Variants in ASTN2 observed in about 807,000 individuals in gnomAD.
The protein encoded by ASTN2 is astrotactin-2.
A neutral mutation model predicts 139.8 loss-of-function variants in ASTN2; 54 were observed. The ratio of observed to expected loss-of-function variants is 0.39; its 90% CI spans 0.31 to 0.48. The LOEUF is 0.48. Among genes scored for constraint, ASTN2 ranks in the 20% least tolerant of loss-of-function variants. The probability of loss-of-function intolerance (pLI) is 0.95; values close to 1 mark genes in which losing one functional copy is unlikely to be tolerated. For missense variants in ASTN2, 1,565 were observed against 1,725.1 expected, an observed-to-expected ratio of 0.91 and a Z score of 1.64; for synonymous variants, 756 against 719.5, an observed-to-expected ratio of 1.05 and a Z score of -0.81.
intron 20 of ASTN2, among the ~76,000 whole-genome samples, chr9:116,442,779 C>T (rs530532023): frequency 3.3e-5 from 5 of 152,320 alleles, no homozygotes; most frequent in East Asian, 1.9e-4. Flanking sequence ...AATGAGGACA[C>T]TGAGACTTAG....
Position 116,728,514 on chromosome 9 carries a change from G to C in ASTN2, c.2626+478C>G, listed in dbSNP as rs534100674. 4.6e-5 allele frequency among the ~76,000 whole-genome samples: 7 copies of C among 152,148 alleles called. No individual in the cohort carries two copies. The South Asian group carries it at 1.5e-3, about 32-fold the overall frequency. The stretch of plus-strand genomic sequence containing the variant: ...TTAAAGTTCATGTGGATATAATGTG[G>C]GTGGTGCATGTAAAGGGATGGGGGT... On this transcript the variant is annotated intron_variant, in intron 15 of 22. Transcript: ENST00000313400.
At chr9:117,403,798 G>C (rs919089779) in intron 1 of ASTN2, among the ~76,000 whole-genome samples, 3 of 152,196 alleles carry the variant, frequency 2.0e-5, no homozygotes, top group Admixed American at 6.5e-5. Flanking sequence ...GTCTCTAAGA[G>C]CTCTTCTGTC....
intron 22 of ASTN2, 122 bp from the exon 23 acceptor site, chr9:116,426,210 T>TC: frequency 1.6e-6 from 2 of 1,267,236 alleles, no homozygotes; most frequent in South Asian, 1.4e-5. Context: ...CTACTCCAGA[T>TC]TGGAGTGTGG....
At position 116,725,746 on chromosome 9, in the gene ASTN2, C is replaced by T. The variant is rs773307463; in HGVS notation, c.2806+25G>A. ...GCCTCTATAGCCTGCCTGGCCACCTCCTACAGTAGGCACTCCGGGCTTACC... is the reference window on the plus strand; with the variant it reads ...GCCTCTATAGCCTGCCTGGCCACCTTCTACAGTAGGCACTCCGGGCTTACC... On this transcript the variant is annotated intron_variant, in intron 16 of 22. Transcript: ENST00000313400. 7.5e-6 allele frequency: 12 copies of T among 1,606,886 alleles called. No homozygotes were observed. The South Asian group carries it at 1.2e-4, about 16-fold the overall frequency.
At chr9:117,349,001 T>C (rs1829308741) in intron 1 of ASTN2, among the ~76,000 whole-genome samples, 1 of 151,880 alleles carries the variant, frequency 6.6e-6, no homozygotes, top group East Asian at 1.9e-4. Flanking sequence ...AACAATTGAG[T>C]TGTCTTTTTA....
chr9:116,891,816 GC>G (rs1554757352), intron 10 of ASTN2, among the ~76,000 whole-genome samples: 1 of 152,206 alleles, frequency 6.6e-6, no homozygotes, highest in Non-Finnish European at 1.5e-5. Context: ...GAGCTAGACT[GC>G]AAAATAGGAA....
Position 117,208,184 on chromosome 9 carries a change from C to CA in ASTN2, c.1015+6173dup, listed in dbSNP as rs1159950005. Among the ~76,000 whole-genome samples the CA allele has an allele frequency of 2.0e-5, 3 of 151,276 alleles. No individual in the cohort carries two copies. In the East Asian group the frequency reaches 5.8e-4, roughly 29 times the overall value. On this transcript the variant is annotated intron_variant, in intron 3 of 22. Coordinates refer to ENST00000313400, the MANE Select transcript of ASTN2 (RefSeq NM_001365068.1). The stretch of plus-strand genomic sequence containing the variant: ...GATCATAATAAAATACATGAACTGC[C>CA]AAAAAAATTAAATAATAATTTTAAA...
intron 16 of ASTN2, among the ~76,000 whole-genome samples, chr9:116,723,579 C>G (rs748392476): frequency 2.6e-5 from 4 of 152,192 alleles, no homozygotes; most frequent in Admixed American, 6.5e-5. Context: ...TGACACATAA[C>G]TCATGGCCGG....
chr9:116,955,174 G>C (rs1480743917), intron 10 of ASTN2, among the ~76,000 whole-genome samples: 1 of 152,194 alleles, frequency 6.6e-6, no homozygotes, highest in African/African-American at 2.4e-5. Flanking sequence ...ACAAACCACA[G>C]CTTCTTCCTT....
chr9:117,056,286 T>C (rs561305822), intron 5 of ASTN2, among the ~76,000 whole-genome samples: 4 of 152,336 alleles, frequency 2.6e-5, no homozygotes, highest in South Asian at 2.1e-4. Flanking sequence ...AGATAACTAC[T>C]ACCAGTACCT....
chr9:116,660,016 G>A (rs1287638823), intron 16 of ASTN2, among the ~76,000 whole-genome samples: 1 of 152,180 alleles, frequency 6.6e-6, no homozygotes, highest in African/African-American at 2.4e-5. Flanking sequence ...TAGTTGGGGT[G>A]TGGGGTCATA....
chr9:116,929,703 A>G (rs2132448997), intron 10 of ASTN2, among the ~76,000 whole-genome samples: 1 of 152,302 alleles, frequency 6.6e-6, no homozygotes, highest in Non-Finnish European at 1.5e-5. Context: ...CAGCTGCTAA[A>G]AATGGTTATT....
intron 17 of ASTN2, among the ~76,000 whole-genome samples, chr9:116,644,651 G>T (rs1327672661): frequency 6.6e-6 from 1 of 152,176 alleles, no homozygotes; most frequent in Non-Finnish European, 1.5e-5. Flanking sequence ...AAATAAACAG[G>T]ATAAGATTTT....
chr9:117,407,048 G>A (rs186122080), intron 1 of ASTN2, among the ~76,000 whole-genome samples: 395 of 152,274 alleles, frequency 2.6e-3, no homozygotes, highest in Admixed American at 4.6e-3. Context: ...TTTATTGATA[G>A]TGGGCACCAA....
At chr9:116,468,045 C>T (rs1301432726) in intron 20 of ASTN2, among the ~76,000 whole-genome samples, 1 of 152,202 alleles carries the variant, frequency 6.6e-6, no homozygotes, top group East Asian at 1.9e-4. Context: ...AAAGGACTAG[C>T]TTCTCATTCC....
chr9:116,595,459 T>C (rs1854525784), intron 19 of ASTN2, among the ~76,000 whole-genome samples: 1 of 152,156 alleles, frequency 6.6e-6, no homozygotes, highest in African/African-American at 2.4e-5. Flanking sequence ...CCTGAATAGC[T>C]GGGACTACAG....
In ASTN2 at chr9:116,698,556, G is replaced by A. The variant is rs1189524532; in HGVS notation, c.2806+27215C>T. 1 of 1,613,920 alleles carries A rather than the reference G, an allele frequency of 6.2e-7. No homozygotes were observed. Among genetic ancestry groups the A allele is most frequent in the South Asian group, 1.1e-5 (1 of 91,060 alleles). ...AGAGCTCACTGCCAGCTTGCCTCGG[G>A]AGCTCACCCTGCAAGATGTGGAGCT... On this transcript the variant is annotated intron_variant, in intron 16 of 22. Coordinates refer to ENST00000313400, the MANE Select transcript of ASTN2 (RefSeq NM_001365068.1). The surrounding 1 kb of genome is among the most constrained non-coding windows in gnomAD (Gnocchi z 4.4).
chr9:117,133,771 C>A (rs1328264338), intron 4 of ASTN2, among the ~76,000 whole-genome samples: 1 of 152,062 alleles, frequency 6.6e-6, no homozygotes, highest in Non-Finnish European at 1.5e-5. Flanking sequence ...TTTGAAAATT[C>A]TTCACAGAGA....
rs568253450 is a variant in ASTN2 at position 116,500,332 on chromosome 9, G to A, written c.3356-12832C>T. On this transcript the variant is annotated intron_variant, in intron 19 of 22. Coordinates refer to ENST00000313400, the MANE Select transcript of ASTN2 (RefSeq NM_001365068.1). Reference sequence around the variant, plus strand: ...CAATGGAAGTGAAAATTTCCATTTAGGGGAAGGTGAATCTCCGGAAAGGAA... The same window carrying A: ...CAATGGAAGTGAAAATTTCCATTTAAGGGAAGGTGAATCTCCGGAAAGGAA... Among the ~76,000 whole-genome samples, 158 of 152,304 alleles carry A rather than the reference G, an allele frequency of 1.0e-3. 2 individuals are homozygous for A. Among genetic ancestry groups the A allele is most frequent in the Non-Finnish European group, 1.6e-3 (106 of 68,024 alleles).
Sources: allele counts gnomAD v4.1 joint callset (sites outside exome capture counted in the v4.1 genomes callset), GRCh38; gene constraint gnomAD v4.1.1; non-coding constraint Gnocchi (gnomAD v3.1); transcripts MANE v1.5; gene names NCBI Gene and HGNC (gene_info 2026-07-23, HGNC 2026-07-21).